Variants in SLC7A2 observed in about 807,000 individuals in gnomAD.
The protein encoded by SLC7A2 is solute carrier family 7 member 2.
SLC7A2 carries 48 observed loss-of-function variants against 58.9 expected under a neutral mutation model. The ratio of observed to expected loss-of-function variants is 0.82; its 90% confidence interval spans 0.65 to 1.04. The LOEUF (loss-of-function observed/expected upper bound fraction) is 1.04. Among genes scored for constraint, SLC7A2 ranks in the 50% least tolerant of loss-of-function variants. The pLI, the probability that SLC7A2 is intolerant of heterozygous loss-of-function variation, is 0.00. For synonymous variants in SLC7A2, 363 were observed against 314.5 expected, an observed-to-expected ratio of 1.15 and a Z score of -1.63; for missense variants, 1,029 against 818.8, an observed-to-expected ratio of 1.26 and a Z score of -3.13.
In SLC7A2 at chr8:17,548,330, G is replaced by A. The variant is rs536658587; in HGVS notation, c.533-348G>A. On this transcript the variant is annotated intron_variant, in intron 4 of 12. Coordinates refer to ENST00000494857, the MANE Select transcript of SLC7A2 (RefSeq NM_001370338.1). ...CACTTCTGCCAGGGAAACAGAGCGA[G>A]ACTCTGTCTCAAAAAAAGAAAAAAT... 2.0e-5 allele frequency among the ~76,000 whole-genome samples: 3 copies of A among 152,296 alleles called. No homozygotes were observed. In the South Asian group the frequency reaches 6.2e-4, roughly 32 times the overall value.
intron 3 of SLC7A2, 24 bp downstream of exon 3, chr8:17,543,739 CT>C (rs1563465624): frequency 1.3e-6 from 2 of 1,510,854 alleles, no homozygotes; most frequent in Non-Finnish European, 1.8e-6. Context: ...AGAAATCTAA[CT>C]TGTGTGGAAT....
chr8:17,535,613 A>C (rs1159787846), intron 2 of SLC7A2, among the ~76,000 whole-genome samples: 18 of 152,200 alleles, frequency 1.2e-4, no homozygotes, highest in Admixed American at 1.2e-3. Context: ...TAAGAAATTT[A>C]CATTTTTGGC....
At chr8:17,515,291 A>G (rs1240019482) in intron 2 of SLC7A2, among the ~76,000 whole-genome samples, 1 of 146,126 alleles carries the variant, frequency 6.8e-6, no homozygotes, top group Non-Finnish European at 1.5e-5. Context: ...TGATTGCCAC[A>G]TCTTTTTCTT....
intron 2 of SLC7A2, among the ~76,000 whole-genome samples, chr8:17,513,241 C>A (rs1470591601): frequency 1.3e-5 from 2 of 152,212 alleles, no homozygotes; most frequent in African/African-American, 4.8e-5. Context: ...ATATTGTTCC[C>A]CACAGCAGTG....
intron 2 of SLC7A2, among the ~76,000 whole-genome samples, chr8:17,518,217 TC>T (rs1204589461): frequency 7.0e-6 from 1 of 143,094 alleles, no homozygotes; most frequent in African/African-American, 2.7e-5. Flanking sequence ...TTCTTTTCTT[TC>T]TTTTTTTTTT....
At chr8:17,496,094 C>T (rs977511472), upstream of SLC7A2, among the ~76,000 whole-genome samples, 1 of 152,174 alleles carries the variant, frequency 6.6e-6, no homozygotes, top group African/African-American at 2.4e-5. Context: ...GACGTTTACT[C>T]CAATACTATG....
intron 6 of SLC7A2, among the ~76,000 whole-genome samples, chr8:17,551,474 G>A (rs543552530): frequency 7.9e-5 from 12 of 152,232 alleles, no homozygotes; most frequent in African/African-American, 2.2e-4. Flanking sequence ...GCGCACACCC[G>A]TGGTCCCAGC....
intron 2 of SLC7A2, among the ~76,000 whole-genome samples, chr8:17,533,795 A>G (rs1262973025): frequency 6.6e-6 from 1 of 152,206 alleles, no homozygotes; most frequent in African/African-American, 2.4e-5. Context: ...CATGTGCAGG[A>G]CGTGCAGGTT....
Position 17,566,042 on chromosome 8 carries a change from G to C in SLC7A2, c.*896G>C, listed in dbSNP as rs908625829. ...CATGGAGTGGCCGTAATGAGAATAT[G>C]TTTGAAGATCAAAGAGTTAGACCAA... On this transcript the variant is annotated 3_prime_UTR_variant, in exon 13 of 13. Transcript: ENST00000494857. The C allele has an allele frequency of 2.0e-5, 3 of 152,188 alleles. No individual in the cohort carries two copies. The highest frequency in any genetic ancestry group is 4.8e-5 in the African/African-American group (2 of 41,444). The allele number at this position is 152,188 out of a possible 1,614,324, so 9.4% of individuals were successfully genotyped here.
intron 2 of SLC7A2, among the ~76,000 whole-genome samples, chr8:17,531,961 C>T (rs929481006): frequency 6.6e-6 from 1 of 151,944 alleles, no homozygotes; most frequent in African/African-American, 2.4e-5. Context: ...GGCACGGTGG[C>T]TCATGCCTAT....
intron 1 of SLC7A2, chr8:17,498,598 CTT>C (rs896274002): frequency 2.6e-5 from 4 of 152,194 alleles, no homozygotes; most frequent in African/African-American, 9.7e-5. Context: ...TGGGAGGCCA[CTT>C]TATTGTGATT....
At chr8:17,558,912 A>G (rs1039016481) in intron 9 of SLC7A2, among the ~76,000 whole-genome samples, 7 of 152,212 alleles carry the variant, frequency 4.6e-5, no homozygotes, top group Admixed American at 1.3e-4. Context: ...ATATAAAACT[A>G]TAGTTATATA....
At chr8:17,525,597 C>G (rs1338428470) in intron 2 of SLC7A2, among the ~76,000 whole-genome samples, 2 of 152,064 alleles carry the variant, frequency 1.3e-5, no homozygotes, top group East Asian at 3.9e-4. Flanking sequence ...GATTTGTTTG[C>G]TAGGGTTTTA....
At chr8:17,561,216 G>T (rs1373364101) in intron 10 of SLC7A2, among the ~76,000 whole-genome samples, 1 of 152,140 alleles carries the variant, frequency 6.6e-6, no homozygotes, top group African/African-American at 2.4e-5. Context: ...TTCTCACACT[G>T]CTAGTAAAGA....
intron 2 of SLC7A2, chr8:17,538,955 T>A (rs1801793561): frequency 6.3e-7 from 1 of 1,589,018 alleles, no homozygotes; most frequent in Non-Finnish European, 8.6e-7. Context: ...GGGATACTGA[T>A]ATAGAAGATT....
chr8:17,524,422 A>G (rs951601409), intron 2 of SLC7A2, among the ~76,000 whole-genome samples: 5 of 77,870 alleles, frequency 6.4e-5, no homozygotes, highest in African/African-American at 1.4e-4. Flanking sequence ...GTGTGTGTGT[A>G]CACACACACA....
chr8:17,505,182 A>G (rs1218620039), intron 2 of SLC7A2, among the ~76,000 whole-genome samples: 1 of 144,102 alleles, frequency 6.9e-6, no homozygotes, highest in African/African-American at 2.5e-5. Context: ...AATTTTGTGT[A>G]AGATTTCTGG....
intron 2 of SLC7A2, among the ~76,000 whole-genome samples, chr8:17,515,332 T>C (rs1278171999): frequency 6.6e-6 from 1 of 151,382 alleles, no homozygotes; most frequent in East Asian, 1.9e-4. Context: ...AGTCTTGCCC[T>C]GTCTCCAGAC....
At chr8:17,540,554 T>C (rs911206911) in intron 2 of SLC7A2, among the ~76,000 whole-genome samples, 15 of 152,248 alleles carry the variant, frequency 9.9e-5, no homozygotes, top group African/African-American at 2.9e-4. Flanking sequence ...TCATATCTTA[T>C]GTGATTAAAG....
Sources: gnomAD v4.1 joint callset for allele counts (sites outside exome capture counted in the v4.1 genomes callset) on GRCh38, gnomAD v4.1.1 for gene constraint, MANE v1.5 for transcripts, NCBI Gene and HGNC (gene_info 2026-07-23, HGNC 2026-07-21) for gene names.